The following RABGAP1L variants were observed in gnomAD, a reference collection of about 807,000 sequenced individuals.
The protein encoded by RABGAP1L is RAB GTPase activating protein 1 like, also known as rab GTPase-activating protein 1-like.
A neutral mutation model predicts 137.7 loss-of-function variants in RABGAP1L; 63 were observed. The ratio of observed to expected loss-of-function variants is 0.46; its 90% CI spans 0.37 to 0.56. The LOEUF is 0.56. Among genes scored for constraint, RABGAP1L ranks in the 20% least tolerant of loss-of-function variants. RABGAP1L has a pLI of 0.00. For synonymous variants in RABGAP1L, 431 were observed against 433.7 expected (o/e 0.99, Z 0.08); for missense variants, 1,095 against 1,244.0 (o/e 0.88, Z 1.80).
chr1:174,606,335 C>A (rs1572481481), intron 13 of RABGAP1L, among the ~76,000 whole-genome samples: 1 of 152,152 alleles, frequency 6.6e-6, no homozygotes, highest in Non-Finnish European at 1.5e-5. Flanking sequence ...TTGTCCCTAG[C>A]CTGCCACACC....
At chr1:174,167,194 G>A (rs1487281713) in intron 1 of RABGAP1L, among the ~76,000 whole-genome samples, 2 of 151,596 alleles carry the variant, frequency 1.3e-5, no homozygotes, top group Non-Finnish European at 2.9e-5. Context: ...TCAGCACAGT[G>A]TTTCTGTTAA....
At chr1:174,699,709 T>C in intron 16 of RABGAP1L, 59 bp downstream of exon 16, 1 of 1,462,638 alleles carries the variant, frequency 6.8e-7, no homozygotes, top group Non-Finnish European at 9.4e-7. Context: ...AGAAAAAGCC[T>C]AATAGAGTTG....
intron 18 of RABGAP1L, among the ~76,000 whole-genome samples, chr1:174,757,849 C>T (rs1296056355): frequency 6.6e-6 from 1 of 151,874 alleles, no homozygotes; most frequent in East Asian, 1.9e-4. Context: ...CATGACGAAA[C>T]CCCGTCTCTA....
At chr1:174,816,238 C>T (rs1164867253) in intron 19 of RABGAP1L, among the ~76,000 whole-genome samples, 1 of 149,090 alleles carries the variant, frequency 6.7e-6, no homozygotes, top group Non-Finnish European at 1.5e-5. Context: ...CTGCAACCTC[C>T]GCCTCCCGGA....
chr1:174,957,306 GC>G, intron 19 of RABGAP1L, 150 bp from the exon 20 acceptor site: 1 of 612,686 alleles, frequency 1.6e-6, no homozygotes, highest in South Asian at 1.9e-5. Flanking sequence ...GGAAAAGTTT[GC>G]CAACCTCTAC....
intron 19 of RABGAP1L, among the ~76,000 whole-genome samples, chr1:174,839,396 A>G (rs561709624): frequency 1.3e-5 from 2 of 152,198 alleles, no homozygotes; most frequent in Non-Finnish European, 2.9e-5. Context: ...TTGTGGTCAA[A>G]GGATCCTAAT....
chr1:174,270,372 G>T (rs1558086899), intron 7 of RABGAP1L, among the ~76,000 whole-genome samples: 1 of 152,048 alleles, frequency 6.6e-6, no homozygotes, highest in South Asian at 2.1e-4. Context: ...TCATTCACCT[G>T]GAAGTGCTTG....
chr1:174,317,630 C>A (rs1480244299), intron 11 of RABGAP1L, among the ~76,000 whole-genome samples: 1 of 152,126 alleles, frequency 6.6e-6, no homozygotes, highest in Non-Finnish European at 1.5e-5. Context: ...TACTAGCACA[C>A]CCCTGGCTGC....
chr1:174,340,970 G>A (rs1681923121), intron 11 of RABGAP1L, among the ~76,000 whole-genome samples: 2 of 152,110 alleles, frequency 1.3e-5, no homozygotes, highest in Admixed American at 6.5e-5. Context: ...AGTGACGTGA[G>A]ATGATATCTC....
intron 18 of RABGAP1L, among the ~76,000 whole-genome samples, chr1:174,792,434 T>C (rs1687928128): frequency 1.3e-5 from 2 of 152,188 alleles, no homozygotes; most frequent in African/African-American, 4.8e-5. Flanking sequence ...TGTCTTTGAA[T>C]ATTTTAATTA....
intron 13 of RABGAP1L, among the ~76,000 whole-genome samples, chr1:174,436,048 T>C (rs1653251880): frequency 6.6e-6 from 1 of 152,192 alleles, no homozygotes. Context: ...CTTAATCTAG[T>C]CTATCATTGT....
At position 174,756,997 on chromosome 1, in the gene RABGAP1L, C is replaced by T. The variant is rs181944722; in HGVS notation, c.2211+4643C>T. On this transcript the variant is annotated intron_variant, in intron 18 of 25. Transcript: ENST00000681986. ...GAAACTGGCCAAGGACAACATAGGC[C>T]TTGTCAAAGCACCCTTCCTCCAGCT... The T allele has an allele frequency of 2.6e-5, 22 of 854,740 alleles. No homozygotes were observed. In the Admixed American group the frequency reaches 2.6e-4, roughly 10 times the overall value. The allele number at this position is 854,740 out of a possible 1,614,324, so 52.9% of individuals were successfully genotyped here.
In RABGAP1L at chr1:174,421,106, C is replaced by G. The variant is rs74582069; in HGVS notation, c.1710+26961C>G. ...ATGATGTGAATGTGTTTCTAGGGACCCTTCTGGGACAGAATGAAGACAAGC... is the reference window on the plus strand; with the variant it reads ...ATGATGTGAATGTGTTTCTAGGGACGCTTCTGGGACAGAATGAAGACAAGC... On this transcript the variant is annotated intron_variant, in intron 13 of 25. Coordinates refer to ENST00000681986, the MANE Select transcript of RABGAP1L (RefSeq NM_001366446.1). 4.1e-4 allele frequency among the ~76,000 whole-genome samples: 62 copies of G among 152,264 alleles called. No individual in the cohort carries two copies. In the East Asian group the frequency reaches 0.011, roughly 27 times the overall value.
At position 174,300,308 on chromosome 1, in the gene RABGAP1L, C is replaced by G. The variant is rs111248875; in HGVS notation, c.1324-4678C>G. Among the ~76,000 whole-genome samples, 808 of 152,006 alleles carry G rather than the reference C, an allele frequency of 5.3e-3. 10 individuals carry two copies. Among genetic ancestry groups the G allele is most frequent in the African/African-American group, 0.018 (767 of 41,476 alleles). ...TGGGAGGCCGAGGCTGGTGAATCTCCTGAGGTCGGGAGTTTGAGACCAGCC... is the reference window on the plus strand; with the variant it reads ...TGGGAGGCCGAGGCTGGTGAATCTCGTGAGGTCGGGAGTTTGAGACCAGCC... On this transcript the variant is annotated intron_variant, in intron 10 of 25. Coordinates refer to ENST00000681986, the MANE Select transcript of RABGAP1L (RefSeq NM_001366446.1).
chr1:174,601,051 T>C (rs922664752), intron 13 of RABGAP1L, among the ~76,000 whole-genome samples: 10 of 152,220 alleles, frequency 6.6e-5, no homozygotes, highest in African/African-American at 2.2e-4. Flanking sequence ...TTCTTGACTT[T>C]GGTGCACCCG....
At chr1:174,352,481 T>C (rs906887422) in intron 11 of RABGAP1L, among the ~76,000 whole-genome samples, 1 of 152,182 alleles carries the variant, frequency 6.6e-6, no homozygotes, top group Non-Finnish European at 1.5e-5. Context: ...TTTCTCTTTG[T>C]TATCTTGAAT....
chr1:174,449,296 T>G (rs1333947865), intron 13 of RABGAP1L: 1 of 1,017,910 alleles, frequency 9.8e-7, no homozygotes, highest in East Asian at 2.4e-5. Context: ...TTTACTTGAA[T>G]AGTTGACTGT....
At chr1:174,885,080 T>A (rs1654850956) in intron 19 of RABGAP1L, among the ~76,000 whole-genome samples, 1 of 152,206 alleles carries the variant, frequency 6.6e-6, no homozygotes, top group Non-Finnish European at 1.5e-5. Context: ...TTTTCTCATC[T>A]GTAAAATTGG....
chr1:174,285,405 A>T (rs183935829), intron 10 of RABGAP1L, among the ~76,000 whole-genome samples: 50 of 152,170 alleles, frequency 3.3e-4, no homozygotes, highest in African/African-American at 1.2e-3. Context: ...TGCTACTGTA[A>T]ATGGGATTTT....
Sources: allele counts gnomAD v4.1 joint callset (sites outside exome capture counted in the v4.1 genomes callset), GRCh38; gene constraint gnomAD v4.1.1; transcripts MANE v1.5; gene names NCBI Gene and HGNC (gene_info 2026-07-23, HGNC 2026-07-21).